The following LRP1B variants were observed in gnomAD, a reference collection of about 807,000 sequenced individuals.
The protein encoded by LRP1B is low-density lipoprotein receptor-related protein 1B.
In LRP1B, 217 loss-of-function variants were observed where a neutral mutation model predicts 556.6. The observed-to-expected ratio is 0.39, with a 90% CI of 0.35 to 0.44. LRP1B has a LOEUF of 0.44. Among genes scored for constraint, LRP1B ranks in the 20% least tolerant of loss-of-function variants. The pLI is 1.00. For synonymous variants in LRP1B, 2,047 were observed against 1,865.8 expected (o/e 1.10, Z -2.50); for missense variants, 5,053 against 5,620.8 (o/e 0.90, Z 3.23).
chr2:140,848,323 C>CT (rs1020650911), intron 29 of LRP1B, among the ~76,000 whole-genome samples: 1 of 152,168 alleles, frequency 6.6e-6, no homozygotes, highest in Non-Finnish European at 1.5e-5. Context: ...TTTGCATTTG[C>CT]TTTTTTATAA....
intron 1 of LRP1B, among the ~76,000 whole-genome samples, chr2:141,858,792 G>C (rs72994938): frequency 0.038 from 5,822 of 152,240 alleles, 347 homozygotes; most frequent in African/African-American, 0.12. Flanking sequence ...TGTTATCTAC[G>C]TTTGTGGATA....
intron 3 of LRP1B, among the ~76,000 whole-genome samples, chr2:141,371,140 C>T (rs1573868600): frequency 6.6e-6 from 1 of 152,028 alleles, no homozygotes; most frequent in Admixed American, 6.6e-5. Context: ...TGCACCACCA[C>T]GCCAGGTACA....
intron 1 of LRP1B, among the ~76,000 whole-genome samples, chr2:141,985,025 T>C (rs72852573): frequency 0.028 from 4,194 of 152,264 alleles, 75 homozygotes; most frequent in Non-Finnish European, 0.042. Context: ...ACCAGTTAAA[T>C]GTGACTTAAT....
At chr2:142,033,203 C>T (rs918773430) in intron 1 of LRP1B, among the ~76,000 whole-genome samples, 1 of 151,738 alleles carries the variant, frequency 6.6e-6, no homozygotes, top group Admixed American at 6.6e-5. Flanking sequence ...ATTTTTAGGA[C>T]AATTTTGTAT....
At chr2:141,873,303 C>T (rs1010043837) in intron 1 of LRP1B, among the ~76,000 whole-genome samples, 2 of 151,720 alleles carry the variant, frequency 1.3e-5, no homozygotes, top group Admixed American at 1.3e-4. Context: ...AAATAAAATA[C>T]AAAAAAATTA....
At chr2:141,346,133 C>A (rs2105527581) in intron 3 of LRP1B, among the ~76,000 whole-genome samples, 1 of 151,512 alleles carries the variant, frequency 6.6e-6, no homozygotes, top group East Asian at 1.9e-4. Context: ...CTTTTTCTTC[C>A]ATGTTTTGTT....
chr2:141,727,148 G>A lies in LRP1B; in HGVS notation c.205+83131C>T, dbSNP rs190146434. 8.9e-4 allele frequency among the ~76,000 whole-genome samples: 136 copies of A among 152,032 alleles called. 1 individual carries two copies. Among genetic ancestry groups the A allele is most frequent in the Non-Finnish European group, 1.7e-3 (115 of 67,978 alleles). On this transcript the variant is annotated intron_variant, in intron 2 of 90. Coordinates refer to ENST00000389484, the MANE Select transcript of LRP1B (RefSeq NM_018557.3). ...AGAAACAAGGAAAAGAGATCTTGAG[G>A]GGAAAAAATCTTAGCTATTCTTTAG...
chr2:140,907,783 T>A (rs1056065912), intron 22 of LRP1B, 94 bp downstream of exon 22: 2 of 1,061,732 alleles, frequency 1.9e-6, no homozygotes, highest in Non-Finnish European at 2.9e-6. Flanking sequence ...AGGGAATGAA[T>A]GAAAGGAATG....
intron 1 of LRP1B, among the ~76,000 whole-genome samples, chr2:142,013,621 G>A (rs1703024980): frequency 6.6e-6 from 1 of 151,816 alleles, no homozygotes; most frequent in African/African-American, 2.4e-5. Context: ...AAGTGAAGAA[G>A]ATTAAAGAGT....
At chr2:140,282,176 C>A (rs77048843) in intron 84 of LRP1B, among the ~76,000 whole-genome samples, 393 of 151,902 alleles carry the variant, frequency 2.6e-3, no homozygotes, top group African/African-American at 9.3e-3. Flanking sequence ...TCCTTCCTCA[C>A]CCACCAATTT....
chr2:140,311,072 G>T (rs1558791057), intron 83 of LRP1B, among the ~76,000 whole-genome samples: 1 of 151,792 alleles, frequency 6.6e-6, no homozygotes, highest in South Asian at 2.1e-4. Flanking sequence ...ATACGCTGTT[G>T]GTGGGAATGT....
chr2:140,504,552 A>G (rs1328493393), intron 53 of LRP1B, among the ~76,000 whole-genome samples: 1 of 152,184 alleles, frequency 6.6e-6, no homozygotes, highest in African/African-American at 2.4e-5. Flanking sequence ...ATTATCACAC[A>G]GTCACTATAT....
chr2:141,922,964 T>A (rs1700229742), intron 1 of LRP1B, among the ~76,000 whole-genome samples: 1 of 151,940 alleles, frequency 6.6e-6, no homozygotes, highest in Admixed American at 6.6e-5. Flanking sequence ...CTGGGCGTAG[T>A]GGTGCATGCC....
intron 41 of LRP1B, among the ~76,000 whole-genome samples, chr2:140,692,658 T>C (rs1686286244): frequency 6.6e-6 from 1 of 152,276 alleles, no homozygotes; most frequent in East Asian, 1.9e-4. Context: ...ATATTTATCT[T>C]CATCTCTGTA....
At chr2:140,826,720 A>G (rs928906269) in intron 31 of LRP1B, among the ~76,000 whole-genome samples, 1 of 152,174 alleles carries the variant, frequency 6.6e-6, no homozygotes, top group Non-Finnish European at 1.5e-5. Context: ...CTTCCCTAGC[A>G]TCTTGGATCC....
At chr2:140,782,040 G>T (rs1452384466) in intron 32 of LRP1B, among the ~76,000 whole-genome samples, 1 of 138,680 alleles carries the variant, frequency 7.2e-6, no homozygotes, top group Non-Finnish European at 1.6e-5. Context: ...AATCATATTT[G>T]TTCATCTCAC....
rs1690583455 is a variant in LRP1B, at chr2:140,803,280, T to TG, written c.5359+10376_5359+10377insC. Among the ~76,000 whole-genome samples, 6 of 136,866 alleles carry TG rather than the reference T, an allele frequency of 4.4e-5. 1 individual carries two copies. The highest frequency in any genetic ancestry group is 1.7e-4 in the African/African-American group (6 of 34,656). 89.8% of individuals were successfully genotyped at this position (136,866 alleles called of 152,430 possible). A position where few individuals can be genotyped will look rare whatever the true frequency, so the allele number is the denominator to read the frequency against. On this transcript the variant is annotated intron_variant, in intron 32 of 90. Coordinates refer to ENST00000389484, the MANE Select transcript of LRP1B (RefSeq NM_018557.3). ...TGAAAGTTTTTTTTTTTTTTTTTTT[T>TG]TTTTTTTTTTCCGAGATGGAGTCTC...
At chr2:141,845,891 G>A (rs1445240574) in intron 1 of LRP1B, among the ~76,000 whole-genome samples, 1 of 151,510 alleles carries the variant, frequency 6.6e-6, no homozygotes, top group Non-Finnish European at 1.5e-5. Flanking sequence ...AAAATATCAT[G>A]ACAAATAAAA....
chr2:140,734,780 T>C (rs1208297485), intron 35 of LRP1B, among the ~76,000 whole-genome samples: 1 of 152,018 alleles, frequency 6.6e-6, no homozygotes, highest in East Asian at 1.9e-4. Flanking sequence ...TCCTGCAACA[T>C]GTGGAGCTCC....
Sources: allele counts gnomAD v4.1 joint callset (sites outside exome capture counted in the v4.1 genomes callset), GRCh38; gene constraint gnomAD v4.1.1; transcripts MANE v1.5; gene names NCBI Gene and HGNC (gene_info 2026-07-23, HGNC 2026-07-21).